ADAM32: variants seen among roughly 807,000 people sequenced by gnomAD.
The protein encoded by ADAM32 is disintegrin and metalloproteinase domain-containing protein 32.
ADAM32 carries 89 observed loss-of-function variants against 114.9 expected under a neutral mutation model. The ratio of observed to expected loss-of-function variants is 0.77; its 90% CI spans 0.65 to 0.92. The LOEUF (loss-of-function observed/expected upper bound fraction) is 0.92. Among genes scored for constraint, ADAM32 ranks in the 40% least tolerant of loss-of-function variants. ADAM32 has a pLI of 0.00. For synonymous variants in ADAM32, 285 were observed against 307.5 expected, an observed-to-expected ratio of 0.93 and a Z score of 0.77; for missense variants, 870 against 932.8, an observed-to-expected ratio of 0.93 and a Z score of 0.88.
rs866875957 is a variant in ADAM32 at position 39,111,738 on chromosome 8, A to T, written c.58+3905A>T. Reference sequence around the variant, plus strand: ...TCTTTCTCAAAAAAAAAAAAAAAAAAAAAAGGAAAAAAAAAAAGAACAAGT... The same window carrying T: ...TCTTTCTCAAAAAAAAAAAAAAAAATAAAAGGAAAAAAAAAAAGAACAAGT... On this transcript the variant is annotated intron_variant, in intron 1 of 24. Transcript: ENST00000379907. 2.8e-3 allele frequency among the ~76,000 whole-genome samples: 429 copies of T among 151,372 alleles called. 2 individuals carry two copies. Among genetic ancestry groups the T allele is most frequent in the African/African-American group, 9.5e-3 (392 of 41,376 alleles).
intron 10 of ADAM32, among the ~76,000 whole-genome samples, chr8:39,186,387 A>G (rs937978173): frequency 6.6e-6 from 1 of 152,202 alleles, no homozygotes; most frequent in Admixed American, 6.5e-5. Flanking sequence ...GCCTAATCCA[A>G]TAGTGCAATC....
chr8:39,253,904 A>T (rs1055800564), intron 17 of ADAM32, among the ~76,000 whole-genome samples: 1 of 151,594 alleles, frequency 6.6e-6, no homozygotes, highest in African/African-American at 2.4e-5. Context: ...AATAGAAAAT[A>T]AAAAAATTAT....
intron 11 of ADAM32, among the ~76,000 whole-genome samples, chr8:39,207,802 C>T (rs1470295910): frequency 6.6e-6 from 1 of 152,198 alleles, no homozygotes; most frequent in Non-Finnish European, 1.5e-5. Flanking sequence ...TTAAAAATTT[C>T]ACACGTGAGT....
At chr8:39,259,699 T>C (rs1472112012) in intron 19 of ADAM32, among the ~76,000 whole-genome samples, 1 of 152,222 alleles carries the variant, frequency 6.6e-6, no homozygotes, top group Non-Finnish European at 1.5e-5. Flanking sequence ...CAGTGAATAC[T>C]AGGATTTTCC....
At chr8:39,157,186 G>A (rs1804201553) in intron 6 of ADAM32, among the ~76,000 whole-genome samples, 2 of 152,198 alleles carry the variant, frequency 1.3e-5, no homozygotes, top group African/African-American at 4.8e-5. Context: ...CATTTGTGAG[G>A]AATTGCTTTT....
intron 2 of ADAM32, among the ~76,000 whole-genome samples, chr8:39,126,814 A>G (rs969659808): frequency 3.9e-5 from 6 of 152,124 alleles, no homozygotes; most frequent in African/African-American, 1.4e-4. Flanking sequence ...TTTGTCATAT[A>G]TGGCTCTTAT....
At chr8:39,234,104 TA>T in intron 16 of ADAM32, 22 bp downstream of exon 16, 2 of 1,288,028 alleles carry the variant, frequency 1.6e-6, no homozygotes, top group Non-Finnish European at 2.0e-6. Flanking sequence ...AAAATCTATT[TA>T]AAAAATATAG....
intron 2 of ADAM32, among the ~76,000 whole-genome samples, chr8:39,126,912 A>G (rs1802153675): frequency 6.6e-6 from 1 of 152,204 alleles, no homozygotes; most frequent in Non-Finnish European, 1.5e-5. Flanking sequence ...CCTTTTCTGC[A>G]TCTATTGAGA....
intron 4 of ADAM32, 62 bp from the exon 5 acceptor site, chr8:39,149,729 A>G (rs1219778339): frequency 1.8e-5 from 21 of 1,174,598 alleles, no homozygotes; most frequent in East Asian, 2.3e-5. Context: ...GTATAGAAGT[A>G]GGAAATCACT....
intron 10 of ADAM32, among the ~76,000 whole-genome samples, chr8:39,174,563 G>T (rs1805397118): frequency 6.6e-6 from 1 of 151,652 alleles, no homozygotes; most frequent in Non-Finnish European, 1.5e-5. Flanking sequence ...CAATGTGCAG[G>T]TTAGTTACAT....
At chr8:39,229,938 G>A (rs1809629328) in intron 14 of ADAM32, among the ~76,000 whole-genome samples, 1 of 152,104 alleles carries the variant, frequency 6.6e-6, no homozygotes, top group Admixed American at 6.6e-5. Flanking sequence ...TAGACCCAAA[G>A]ATAAGCCATA....
intron 5 of ADAM32, among the ~76,000 whole-genome samples, chr8:39,150,616 T>G (rs1182531663): frequency 6.6e-6 from 1 of 152,204 alleles, no homozygotes; most frequent in African/African-American, 2.4e-5. Context: ...CAGGAAATTT[T>G]CCACCTTCAT....
intron 10 of ADAM32, 74 bp from the exon 11 acceptor site, chr8:39,186,835 C>G (rs1043970667): frequency 8.2e-7 from 1 of 1,219,804 alleles, no homozygotes; most frequent in Non-Finnish European, 1.1e-6. Flanking sequence ...ATAAAATATT[C>G]ATAATTAGAA....
chr8:39,124,022 T>C (rs968988679), intron 2 of ADAM32, among the ~76,000 whole-genome samples: 1 of 151,888 alleles, frequency 6.6e-6, no homozygotes, highest in Non-Finnish European at 1.5e-5. Flanking sequence ...TTTTTTTTTT[T>C]CTTTAACATT....
At chr8:39,214,428 CTG>C in intron 12 of ADAM32, among the ~76,000 whole-genome samples, 2 of 152,248 alleles carry the variant, frequency 1.3e-5, no homozygotes, top group Middle Eastern at 3.4e-3. Context: ...TTGCAATTCT[CTG>C]TTACTCATTG....
At chr8:39,219,383 C>T (rs1808799108) in intron 12 of ADAM32, among the ~76,000 whole-genome samples, 1 of 152,170 alleles carries the variant, frequency 6.6e-6, no homozygotes, top group Non-Finnish European at 1.5e-5. Context: ...CTTAGGGCCC[C>T]AGAGTACTCC....
At chr8:39,190,263 G>A (rs923264706) in intron 11 of ADAM32, among the ~76,000 whole-genome samples, 5 of 152,096 alleles carry the variant, frequency 3.3e-5, no homozygotes, top group African/African-American at 1.2e-4. Flanking sequence ...CCATTGTGAT[G>A]TATACCACAT....
chr8:39,228,011 G>A (rs1809500454), intron 14 of ADAM32, among the ~76,000 whole-genome samples: 1 of 152,206 alleles, frequency 6.6e-6, no homozygotes, highest in Admixed American at 6.5e-5. Flanking sequence ...AAGACTCTGT[G>A]CAGACACCCA....
chr8:39,279,167 T>TG (rs1350799759), intron 22 of ADAM32, among the ~76,000 whole-genome samples: 1 of 152,264 alleles, frequency 6.6e-6, no homozygotes, highest in Non-Finnish European at 1.5e-5. Context: ...TCATTAAATC[T>TG]AAAAAATTAA....
Sources: allele counts gnomAD v4.1 joint callset (sites outside exome capture counted in the v4.1 genomes callset), GRCh38; gene constraint gnomAD v4.1.1; transcripts MANE v1.5; gene names NCBI Gene and HGNC (gene_info 2026-07-23, HGNC 2026-07-21).